Variants in LLGL2 observed in about 807,000 individuals in gnomAD.
The protein encoded by LLGL2 is LLGL2, scribble cell polarity complex component.
A neutral mutation model predicts 123.2 loss-of-function variants in LLGL2; 81 were observed. The observed-to-expected ratio is 0.66, with a 90% CI of 0.55 to 0.79. The LOEUF is 0.79. Ranked by LOEUF, LLGL2 falls within the 30% of genes least tolerant of loss-of-function variation. The pLI is 0.00. For synonymous variants in LLGL2, 577 were observed against 594.1 expected (o/e 0.97, Z 0.42); for missense variants, 1,273 against 1,414.6 (o/e 0.90, Z 1.61).
chr17:75,574,224 G>C lies in LLGL2; in HGVS notation c.2917G>C (p.Gly973Arg), dbSNP rs969956596. The C allele has an allele frequency of 1.9e-6, 3 of 1,540,242 alleles. No homozygotes were observed. In the South Asian group the frequency reaches 3.6e-5, roughly 19 times the overall value. The part of the protein sequence containing the change: ...TQSDGEEKQP[G>R]LVMERALLSD... ...CCTCTACCTTCCAGAGAAGCAGCCC[G>C]GCCTGGTGATGGAGCGCGCTCTGCT... Residue 973 changes from glycine (G) to arginine (R), a missense_variant, in exon 23 of 26, where the codon GGC becomes CGC. Gly to Arg is a moderately radical substitution (Grantham distance 125). Transcript: ENST00000392550.
At chr17:75,552,901 G>A (rs2054740820) in intron 2 of LLGL2, among the ~76,000 whole-genome samples, 1 of 152,226 alleles carries the variant, frequency 6.6e-6, no homozygotes. Context: ...TCCTGGCCAG[G>A]CCATTGGGCT....
Position 75,544,246 on chromosome 17 carries a change from C to T in LLGL2, c.75+745C>T, listed in dbSNP as rs968924981. 6.6e-6 allele frequency among the ~76,000 whole-genome samples: 1 copy of T among 152,168 alleles called. No individual in the cohort carries two copies. Among genetic ancestry groups the T allele is most frequent in the African/African-American group, 2.4e-5 (1 of 41,424 alleles). The stretch of plus-strand genomic sequence containing the variant: ...TAATGATCTTCTCACCTCTGCTTTG[C>T]GCCTCTGCTGGGAAGGTGGGCTGCA... On this transcript the variant is annotated intron_variant, in intron 2 of 25. Transcript: ENST00000392550. The surrounding 1 kb of genome is among the most constrained non-coding windows in gnomAD (Gnocchi z 4.2).
Position 75,573,947 on chromosome 17 carries a change from C to A in LLGL2, c.2877-5C>A, listed in dbSNP as rs1343582305. On this transcript the variant is annotated splice_region_variant and splice_polypyrimidine_tract_variant and intron_variant, in intron 21 of 25. Transcript: ENST00000392550. ...CCCTGGTCCTCACTGTCTCTTCCCCCACAGGAACTCAGGGACTCAGAGTGA... is the reference window on the plus strand; with the variant it reads ...CCCTGGTCCTCACTGTCTCTTCCCCAACAGGAACTCAGGGACTCAGAGTGA... The A allele has an allele frequency of 5.2e-6, 8 of 1,550,768 alleles. No individual in the cohort carries two copies. The highest frequency in any genetic ancestry group is 3.9e-5 in the Admixed American group (2 of 51,010).
At chr17:75,565,455 T>G (rs2055404895) in intron 10 of LLGL2, among the ~76,000 whole-genome samples, 2 of 152,322 alleles carry the variant, frequency 1.3e-5, no homozygotes, top group South Asian at 4.1e-4. Flanking sequence ...CCTGCTTTTC[T>G]TTCTTTCTCA....
intron 1 of LLGL2, among the ~76,000 whole-genome samples, chr17:75,541,850 C>T (rs1357485184): frequency 2.7e-5 from 4 of 148,840 alleles, no homozygotes; most frequent in East Asian, 2.0e-4. Context: ...CTGCCTTAGC[C>T]TTCCAAGTAG....
intron 16 of LLGL2, 68 bp downstream of exon 16, chr17:75,570,566 G>T: frequency 6.6e-7 from 1 of 1,508,970 alleles, no homozygotes; most frequent in Non-Finnish European, 8.9e-7. Context: ...CAGCAGGGGG[G>T]CCACACGGCC....
chr17:75,556,573 A>G (rs769910664), intron 3 of LLGL2, among the ~76,000 whole-genome samples: 1 of 152,008 alleles, frequency 6.6e-6, no homozygotes, highest in Non-Finnish European at 1.5e-5. Context: ...CAGGGGTTGT[A>G]TTGGTGGATC....
Position 75,556,152 on chromosome 17 carries a change from C to T in LLGL2, c.173+9C>T, listed in dbSNP as rs374538010. ...TCTGGAGCCATCAAGCTGTATCCTCCGTCCCCTCGCTCCCACTCGGGCAGG... is the reference window on the plus strand; with the variant it reads ...TCTGGAGCCATCAAGCTGTATCCTCTGTCCCCTCGCTCCCACTCGGGCAGG... On this transcript the variant is annotated intron_variant, in intron 3 of 25. Coordinates refer to ENST00000392550, the MANE Select transcript of LLGL2 (RefSeq NM_001031803.2). 4.4e-5 allele frequency: 70 copies of T among 1,603,438 alleles called. No individual in the cohort carries two copies. Among genetic ancestry groups the T allele is most frequent in the Non-Finnish European group, 5.4e-5 (63 of 1,175,122 alleles).
At chr17:75,555,275 T>C (rs2054855936) in intron 2 of LLGL2, among the ~76,000 whole-genome samples, 2 of 141,824 alleles carry the variant, frequency 1.4e-5, no homozygotes, top group South Asian at 4.6e-4. Flanking sequence ...TGTGGGAGTT[T>C]GGGTAATTTT....
chr17:75,554,600 C>CA (rs2054821253), intron 2 of LLGL2, among the ~76,000 whole-genome samples: 1 of 151,294 alleles, frequency 6.6e-6, no homozygotes, highest in African/African-American at 2.4e-5. Context: ...GCCTGGGCAA[C>CA]AGAGTGAGAC....
At chr17:75,553,217 T>C in intron 2 of LLGL2, among the ~76,000 whole-genome samples, 1 of 152,254 alleles carries the variant, frequency 6.6e-6, no homozygotes, top group Non-Finnish European at 1.5e-5. Flanking sequence ...TGGGCTGGCC[T>C]GGGGGCCGCT....
intron 1 of LLGL2, 140 bp from the exon 2 acceptor site, chr17:75,543,257 G>A (rs142284154): frequency 3.6e-4 from 187 of 525,738 alleles, no homozygotes; most frequent in African/African-American, 2.7e-3. Context: ...GTGCATGGGC[G>A]GTCACTGTGA....
At position 75,574,989 on chromosome 17, in the gene LLGL2, G is replaced by A; in HGVS notation, c.*111G>A. 2 of 1,480,908 alleles carry A rather than the reference G, an allele frequency of 1.4e-6. No individual in the cohort carries two copies. Among genetic ancestry groups the A allele is most frequent in the Admixed American group, 1.7e-5 (1 of 59,820 alleles). The allele number at this position is 1,480,908 out of a possible 1,614,324, so 91.7% of individuals were successfully genotyped here. Reference sequence around the variant, plus strand: ...GCACAGGGCCCCGCCAGGGGCTGGGGGCATCCCGGCTTCCACAATGCAGCT... The same window carrying A: ...GCACAGGGCCCCGCCAGGGGCTGGGAGCATCCCGGCTTCCACAATGCAGCT... On this transcript the variant is annotated 3_prime_UTR_variant, in exon 26 of 26. Coordinates refer to ENST00000392550, the MANE Select transcript of LLGL2 (RefSeq NM_001031803.2).
chr17:75,574,401 G>C, intron 23 of LLGL2, 52 bp from the exon 24 acceptor site: 1 of 1,546,172 alleles, frequency 6.5e-7, no homozygotes, highest in Non-Finnish European at 8.7e-7. Flanking sequence ...GAAGGGCTGT[G>C]GCTAGCCGCC....
At chr17:75,529,175 T>A (rs2053684060) in intron 1 of LLGL2, among the ~76,000 whole-genome samples, 1 of 151,374 alleles carries the variant, frequency 6.6e-6, no homozygotes, top group Non-Finnish European at 1.5e-5. Context: ...GAGCAAAAAA[T>A]TATCCCTCCT....
At chr17:75,534,430 C>T (rs1294749225) in intron 1 of LLGL2, among the ~76,000 whole-genome samples, 1 of 152,184 alleles carries the variant, frequency 6.6e-6, no homozygotes, top group Non-Finnish European at 1.5e-5. Context: ...AGAGGCCTGA[C>T]CTGAGCGGAG....
intron 1 of LLGL2, among the ~76,000 whole-genome samples, chr17:75,529,040 C>T (rs1457030047): frequency 1.3e-5 from 2 of 151,554 alleles, no homozygotes; most frequent in Non-Finnish European, 2.9e-5. Flanking sequence ...CCTGTAATCC[C>T]AGCTACTCAG....
In LLGL2 at chr17:75,575,173, G is replaced by T; in HGVS notation, c.*295G>T. 3.6e-6 allele frequency: 2 copies of T among 554,900 alleles called. No individual in the cohort carries two copies. Among genetic ancestry groups the T allele is most frequent in the East Asian group, 2.9e-5 (1 of 34,224 alleles). 34.4% of individuals were successfully genotyped at this position (554,900 alleles called of 1,614,324 possible). Reference sequence around the variant, plus strand: ...AGTTATAAATGTTAACTGCCTCTGGGTGAAAAAGTTTTTAATAAACACCTA... The same window carrying T: ...AGTTATAAATGTTAACTGCCTCTGGTTGAAAAAGTTTTTAATAAACACCTA... On this transcript the variant is annotated 3_prime_UTR_variant, in exon 26 of 26. Coordinates refer to ENST00000392550, the MANE Select transcript of LLGL2 (RefSeq NM_001031803.2).
At chr17:75,568,263 G>C (rs1244554958) in intron 10 of LLGL2, 1 of 1,427,384 alleles carries the variant, frequency 7.0e-7, no homozygotes, top group South Asian at 1.5e-5. Context: ...CAGGAGCCCT[G>C]TGCCAGGGAG....
Sources: gnomAD v4.1 joint callset for allele counts (sites outside exome capture counted in the v4.1 genomes callset) on GRCh38, gnomAD v4.1.1 for gene constraint, Gnocchi (gnomAD v3.1) non-coding constraint, MANE v1.5 for transcripts, NCBI Gene and HGNC (gene_info 2026-07-23, HGNC 2026-07-21) for gene names.